Variants in PAIP2B observed in about 807,000 individuals in gnomAD.
PAIP2B encodes poly(A) binding protein interacting protein 2B.
In PAIP2B, 13 loss-of-function variants were observed where a neutral mutation model predicts 17.0. The ratio of observed to expected loss-of-function variants is 0.76; its 90% confidence interval spans 0.50 to 1.22. The LOEUF (loss-of-function observed/expected upper bound fraction) is 1.22. PAIP2B is among the 50% of genes most tolerant of loss of function. The pLI is 0.00. For synonymous variants in PAIP2B, 43 were observed against 48.7 expected (o/e 0.88, Z 0.48); for missense variants, 117 against 144.5 (o/e 0.81, Z 0.98).
chr2:71,224,504 C>A (rs115883483), intron 1 of PAIP2B, among the ~76,000 whole-genome samples: 5,362 of 152,148 alleles, frequency 0.035, 125 homozygotes, highest in Middle Eastern at 0.071. Flanking sequence ...CAGAGGCAGG[C>A]TTCAAGATTT....
At chr2:71,211,486 C>T (rs1432283308) in intron 1 of PAIP2B, among the ~76,000 whole-genome samples, 1 of 151,896 alleles carries the variant, frequency 6.6e-6, no homozygotes, top group Non-Finnish European at 1.5e-5. Flanking sequence ...AAGAACAATT[C>T]CTCGAATATA....
intron 1 of PAIP2B, among the ~76,000 whole-genome samples, chr2:71,216,828 G>A (rs1367714974): frequency 6.6e-6 from 1 of 152,160 alleles, no homozygotes. Context: ...ATGAAATAAT[G>A]ACATCCAATT....
intron 1 of PAIP2B, among the ~76,000 whole-genome samples, chr2:71,211,251 C>G (rs1675289236): frequency 6.8e-6 from 1 of 147,874 alleles, no homozygotes; most frequent in Non-Finnish European, 1.5e-5. Flanking sequence ...AAAAGCAAGA[C>G]TTGTCTCAAA....
Position 71,184,687 on chromosome 2 carries a change from G to A in PAIP2B, c.*3792C>T, listed in dbSNP as rs1438529128. The A allele has an allele frequency of 6.6e-6, 1 of 152,204 alleles. No homozygotes were observed. The highest frequency in any genetic ancestry group is 1.5e-5 in the Non-Finnish European group (1 of 68,036). The allele number at this position is 152,204 out of a possible 1,614,324, so 9.4% of individuals were successfully genotyped here. A position where few individuals can be genotyped will look rare whatever the true frequency, so the allele number is the denominator to read the frequency against. On this transcript the variant is annotated 3_prime_UTR_variant, in exon 4 of 4. Transcript: ENST00000244221. The stretch of plus-strand genomic sequence containing the variant: ...CCCTGTGAGCAATGCAGGGTGCAAT[G>A]AGTCACATGGGGAAATGTGGACAGA...
chr2:71,185,611 G>A lies in PAIP2B; in HGVS notation c.*2868C>T, dbSNP rs1674517189. The A allele has an allele frequency of 6.6e-6, 1 of 150,988 alleles. No individual in the cohort carries two copies. Among genetic ancestry groups the A allele is most frequent in the Non-Finnish European group, 1.5e-5 (1 of 67,868 alleles). The allele number at this position is 150,988 out of a possible 1,614,324, so 9.4% of individuals were successfully genotyped here. A position where few individuals can be genotyped will look rare whatever the true frequency, so the allele number is the denominator to read the frequency against. On this transcript the variant is annotated 3_prime_UTR_variant, in exon 4 of 4. Transcript: ENST00000244221. ...AAAAAAAAGAGGGACCCCAGCTGCT[G>A]TGACTTTGGAAACTAAAGGTGTTAA...
chr2:71,192,618 A>G (rs1459851461), intron 2 of PAIP2B, among the ~76,000 whole-genome samples: 1 of 150,904 alleles, frequency 6.6e-6, no homozygotes, highest in Non-Finnish European at 1.5e-5. Flanking sequence ...AGTAGACCCC[A>G]GTGTCTGTTG....
rs961832558 is a variant in PAIP2B, at chr2:71,187,510, G to T, written c.*969C>A. ...CTTAAAAAAGTGCATAAACTTGTCT[G>T]AGGGAATTAAGACACCAGGAAGACC... On this transcript the variant is annotated 3_prime_UTR_variant, in exon 4 of 4. Transcript: ENST00000244221. 2 of 152,144 alleles carry T rather than the reference G, an allele frequency of 1.3e-5. No individual in the cohort carries two copies. The highest frequency in any genetic ancestry group is 2.9e-5 in the Non-Finnish European group (2 of 68,036). 9.4% of individuals were successfully genotyped at this position (152,144 alleles called of 1,614,324 possible).
chr2:71,204,441 TCCTAA>T (rs1675070963), intron 1 of PAIP2B, among the ~76,000 whole-genome samples: 1 of 152,180 alleles, frequency 6.6e-6, no homozygotes, highest in Non-Finnish European at 1.5e-5. Context: ...TTTTGCAATT[TCCTAA>T]CCTGTTATGG....
In PAIP2B at chr2:71,188,237, A is replaced by G; in HGVS notation, c.*242T>C. The G allele has an allele frequency of 1.9e-6, 1 of 517,552 alleles. No individual in the cohort carries two copies. 32.1% of individuals were successfully genotyped at this position (517,552 alleles called of 1,614,324 possible). A position where few individuals can be genotyped will look rare whatever the true frequency, so the allele number is the denominator to read the frequency against. On this transcript the variant is annotated 3_prime_UTR_variant, in exon 4 of 4. Transcript: ENST00000244221. ...GCAATTTCCTTAACTCGAAAGAGCT[A>G]TTTAAAAAAACAAAACAGGAAACTC...
intron 1 of PAIP2B, among the ~76,000 whole-genome samples, chr2:71,205,233 C>G (rs1008030742): frequency 2.0e-5 from 3 of 152,130 alleles, no homozygotes; most frequent in Admixed American, 1.3e-4. Flanking sequence ...ATGGTATTGT[C>G]AATACTAGGC....
intron 1 of PAIP2B, among the ~76,000 whole-genome samples, chr2:71,218,292 CAGAAAA>C (rs982305692): frequency 1.1e-4 from 17 of 151,020 alleles, no homozygotes; most frequent in Admixed American, 6.6e-5. Context: ...TAAAATTACT[CAGAAAA>C]AGAAAAATGA....
At chr2:71,197,104 A>G (rs568357672) in intron 2 of PAIP2B, among the ~76,000 whole-genome samples, 23 of 152,286 alleles carry the variant, frequency 1.5e-4, no homozygotes, top group African/African-American at 5.3e-4. Context: ...GTTGTTTTAC[A>G]GTGACACTGG....
intron 1 of PAIP2B, among the ~76,000 whole-genome samples, chr2:71,209,109 C>G (rs984888508): frequency 8.5e-5 from 13 of 152,094 alleles, no homozygotes; most frequent in African/African-American, 2.9e-4. Flanking sequence ...AATTCAGGAC[C>G]ATGGAGTCTC....
chr2:71,206,730 C>T (rs13030137), intron 1 of PAIP2B, among the ~76,000 whole-genome samples: 10,142 of 152,242 alleles, frequency 0.067, 377 homozygotes, highest in African/African-American at 0.093. Context: ...TCAGAAGTTA[C>T]ATACCTGCAA....
intron 1 of PAIP2B, among the ~76,000 whole-genome samples, chr2:71,221,488 A>C (rs573988717): frequency 2.8e-4 from 42 of 152,344 alleles, no homozygotes; most frequent in African/African-American, 9.9e-4. Flanking sequence ...CCCTGCCCTC[A>C]CAGAGCTCAC....
intron 2 of PAIP2B, among the ~76,000 whole-genome samples, chr2:71,194,474 T>C (rs1004767786): frequency 1.3e-5 from 2 of 151,532 alleles, no homozygotes; most frequent in Non-Finnish European, 2.9e-5. Flanking sequence ...TGTGTGTGTG[T>C]GTGTGTGTGT....
chr2:71,213,869 A>G (rs2103812187), intron 1 of PAIP2B, among the ~76,000 whole-genome samples: 1 of 152,314 alleles, frequency 6.6e-6, no homozygotes, highest in African/African-American at 2.4e-5. Flanking sequence ...TACAAGGGGG[A>G]AAGGACAGCA....
chr2:71,202,702 C>T, intron 1 of PAIP2B, 102 bp from the exon 2 acceptor site: 1 of 1,054,742 alleles, frequency 9.5e-7, no homozygotes, highest in South Asian at 1.7e-5. Flanking sequence ...AATTCTAAGT[C>T]AAAGATTTTA....
At chr2:71,204,354 T>C (rs1675068365) in intron 1 of PAIP2B, among the ~76,000 whole-genome samples, 1 of 152,234 alleles carries the variant, frequency 6.6e-6, no homozygotes, top group African/African-American at 2.4e-5. Context: ...TAAGTTATTT[T>C]CTGTTTCTGG....
Sources: gnomAD v4.1 joint callset for allele counts (sites outside exome capture counted in the v4.1 genomes callset) on GRCh38, gnomAD v4.1.1 for gene constraint, MANE v1.5 for transcripts, NCBI Gene and HGNC (gene_info 2026-07-23, HGNC 2026-07-21) for gene names.